The following RAC1 variants were observed in gnomAD, a reference collection of about 807,000 sequenced individuals.
RAC1 encodes the protein Rac family small GTPase 1, also known as ras-related C3 botulinum toxin substrate 1.
Under a neutral mutation model 25.2 loss-of-function variants are expected in RAC1, and 2 were observed. The observed-to-expected ratio is 0.08, with a 90% confidence interval of 0.03 to 0.25. The LOEUF (loss-of-function observed/expected upper bound fraction) is 0.25, where lower values mean the gene tolerates loss of function less well. RAC1 is among the 10% of genes least tolerant of loss of function. RAC1 has a pLI of 1.00. For synonymous variants in RAC1, 88 were observed against 94.0 expected (o/e 0.94, Z 0.37); for missense variants, 50 against 235.7 (o/e 0.21, Z 5.16).
chr7:6,387,112 A>G, intron 1 of RAC1, 100 bp from the exon 2 acceptor site: 1 of 749,798 alleles, frequency 1.3e-6, no homozygotes, highest in South Asian at 1.7e-5. Flanking sequence ...TGTGATGTAT[A>G]TGCCTTGATT....
intron 3 of RAC1, among the ~76,000 whole-genome samples, chr7:6,394,463 A>G (rs1405289502): frequency 9.9e-6 from 1 of 101,108 alleles, no homozygotes; most frequent in African/African-American, 3.5e-5. Flanking sequence ...TGTGTAGATC[A>G]CCTGTATTTA....
At chr7:6,394,134 A>G (rs1783162081) in intron 3 of RAC1, among the ~76,000 whole-genome samples, 1 of 152,100 alleles carries the variant, frequency 6.6e-6, no homozygotes, top group Admixed American at 6.6e-5. Context: ...GACCAGTTGG[A>G]AGATTTCTTA....
In RAC1 at chr7:6,402,628, GGTTTT is replaced by G. The variant is rs1562471717; in HGVS notation, c.*187_*191del. The G allele has an allele frequency of 1.8e-6, 1 of 554,448 alleles. No individual in the cohort carries two copies. The highest frequency in any genetic ancestry group is 2.0e-5 in the African/African-American group (1 of 51,032). The allele number at this position is 554,448 out of a possible 1,614,324, so 34.3% of individuals were successfully genotyped here. On this transcript the variant is annotated 3_prime_UTR_variant, in exon 6 of 6. Transcript: ENST00000348035. ...TTTTTGAACCAATCAGTAATTTTAAGGTTTTGTTTGTTCTAAATGTAAGAGTTCAG... is the reference window on the plus strand; with the variant it reads ...TTTTTGAACCAATCAGTAATTTTAAGGTTTGTTCTAAATGTAAGAGTTCAG...
chr7:6,379,990 T>A (rs1782719918), intron 1 of RAC1, among the ~76,000 whole-genome samples: 3 of 152,196 alleles, frequency 2.0e-5, no homozygotes, highest in African/African-American at 7.2e-5. Context: ...CCCTCTCTGT[T>A]TCACTCTTTA....
intron 1 of RAC1, among the ~76,000 whole-genome samples, chr7:6,383,034 C>G (rs1367792348): frequency 6.6e-6 from 1 of 152,192 alleles, no homozygotes; most frequent in Non-Finnish European, 1.5e-5. Context: ...ATGGCATGAA[C>G]TTTCTTCCAG....
At chr7:6,374,820 G>C in intron 1 of RAC1, 50 bp downstream of exon 1, 1 of 1,086,524 alleles carries the variant, frequency 9.2e-7, no homozygotes, top group Non-Finnish European at 1.1e-6. Context: ...CGGGCGCGGA[G>C]GGGGGTTGGG....
In RAC1 at chr7:6,383,784, C is replaced by CTTTTTTTTTTTTTTTT. The variant is rs34847745; in HGVS notation, c.36-3408_36-3393dup. 3.8e-4 allele frequency among the ~76,000 whole-genome samples: 15 copies of CTTTTTTTTTTTTTTTT among 39,804 alleles called. 1 individual carries two copies. Among genetic ancestry groups the CTTTTTTTTTTTTTTTT allele is most frequent in the African/African-American group, 9.3e-4 (11 of 11,790 alleles). 26.1% of individuals were successfully genotyped at this position (39,804 alleles called of 152,430 possible). A position where few individuals can be genotyped will look rare whatever the true frequency, so the allele number is the denominator to read the frequency against. Reference sequence around the variant, plus strand: ...GTTAAGGTTTTTACACAACCTTTATCTTTTTTTTTTTTTTTTTTTTTTTTT... The same window carrying CTTTTTTTTTTTTTTTT: ...GTTAAGGTTTTTACACAACCTTTATCTTTTTTTTTTTTTTTTTTTTTTTTTTTTTTTTTTTTTTTTT... On this transcript the variant is annotated intron_variant, in intron 1 of 5. Coordinates refer to ENST00000348035, the MANE Select transcript of RAC1 (RefSeq NM_006908.5).
intron 4 of RAC1, among the ~76,000 whole-genome samples, chr7:6,401,355 C>G (rs951711809): frequency 6.6e-6 from 1 of 152,094 alleles, no homozygotes; most frequent in African/African-American, 2.4e-5. Flanking sequence ...AAAATAACGA[C>G]CATTTCTTTC....
intron 2 of RAC1, among the ~76,000 whole-genome samples, chr7:6,387,669 G>A (rs1387369549): frequency 6.6e-6 from 1 of 151,688 alleles, no homozygotes; most frequent in Admixed American, 6.6e-5. Context: ...AGGTTGCAGT[G>A]AGCCAAGATC....
chr7:6,390,920 C>A (rs911045453), intron 2 of RAC1, among the ~76,000 whole-genome samples: 1 of 151,990 alleles, frequency 6.6e-6, no homozygotes, highest in Admixed American at 6.6e-5. Context: ...TTCTTGAGAC[C>A]GAGTTTCGCA....
chr7:6,376,918 C>G (rs1782621162), intron 1 of RAC1, among the ~76,000 whole-genome samples: 1 of 150,066 alleles, frequency 6.7e-6, no homozygotes, highest in African/African-American at 2.5e-5. Context: ...GCTGTTTTAT[C>G]TAGTCAAATA....
chr7:6,399,202 C>T (rs1325727744), intron 3 of RAC1, among the ~76,000 whole-genome samples: 3 of 152,172 alleles, frequency 2.0e-5, no homozygotes, highest in East Asian at 1.9e-4. Context: ...CTTGTGCATG[C>T]GCCAGCATTC....
intron 1 of RAC1, among the ~76,000 whole-genome samples, 172 bp downstream of exon 1, chr7:6,374,942 A>T (rs1782537535): frequency 6.6e-6 from 1 of 150,772 alleles, no homozygotes; most frequent in Non-Finnish European, 1.5e-5. Context: ...CCGGACCCTG[A>T]CGGCCCGGGC....
intron 1 of RAC1, among the ~76,000 whole-genome samples, chr7:6,379,138 A>G (rs28572360): frequency 6.6e-6 from 1 of 152,156 alleles, no homozygotes; most frequent in South Asian, 2.1e-4. Context: ...TTTATAAACA[A>G]CTTTTATTAT....
At chr7:6,397,690 TC>T (rs1316241484) in intron 3 of RAC1, among the ~76,000 whole-genome samples, 1 of 152,184 alleles carries the variant, frequency 6.6e-6, no homozygotes, top group Non-Finnish European at 1.5e-5. Context: ...AAGTGTCACT[TC>T]TAAAATTTGT....
rs1172960639 is a variant in RAC1 at position 6,397,221 on chromosome 7, A to G, written c.226-2905A>G. ...GCGCCACTGCACTCCAGCCTGGGCG[A>G]CAGAGCGAGACTCTGTCTCAAAAAA... is the stretch of plus-strand genomic sequence containing the variant. On this transcript the variant is annotated intron_variant, in intron 3 of 5. Transcript: ENST00000348035. 4.2e-5 allele frequency among the ~76,000 whole-genome samples: 6 copies of G among 142,928 alleles called. No individual in the cohort carries two copies. The East Asian group carries it at 8.5e-4, about 20-fold the overall frequency. 93.8% of individuals were successfully genotyped at this position (142,928 alleles called of 152,430 possible). A position where few individuals can be genotyped will look rare whatever the true frequency, so the allele number is the denominator to read the frequency against.
chr7:6,401,469 C>G (rs1020305207), intron 4 of RAC1: 3 of 154,222 alleles, frequency 1.9e-5, no homozygotes, highest in African/African-American at 7.2e-5. Context: ...AGACCTTGGG[C>G]TAGGTAGTTT....
chr7:6,398,855 C>A, intron 3 of RAC1: 1 of 833,226 alleles, frequency 1.2e-6, no homozygotes. Context: ...TGGGGTTTTG[C>A]TTGATGAAAT....
chr7:6,397,055 GAAAA>G lies in RAC1; in HGVS notation c.226-3070_226-3067del, dbSNP rs1218173101. Among the ~76,000 whole-genome samples, 5 of 69,150 alleles carry G rather than the reference GAAAA, an allele frequency of 7.2e-5. No homozygotes were observed. The East Asian group carries it at 2.3e-3, about 32-fold the overall frequency. 45.4% of individuals were successfully genotyped at this position (69,150 alleles called of 152,430 possible). On this transcript the variant is annotated intron_variant, in intron 3 of 5. Transcript: ENST00000348035. ...CAAAAACAAAAAAAAAAAAAAAAAA[GAAAA>G]GAAACCCCGTCTCTACTAAAAATAC...
Sources: gnomAD v4.1 joint callset for allele counts (sites outside exome capture counted in the v4.1 genomes callset) on GRCh38, gnomAD v4.1.1 for gene constraint, MANE v1.5 for transcripts, NCBI Gene and HGNC (gene_info 2026-07-23, HGNC 2026-07-21) for gene names.